CAMKK1: variants seen among roughly 807,000 people sequenced by gnomAD.
The protein encoded by CAMKK1 is calcium/calmodulin-dependent protein kinase kinase 1.
In CAMKK1, 20 loss-of-function variants were observed where a neutral mutation model predicts 63.5. That is an observed-to-expected ratio of 0.32 (90% CI 0.22 to 0.46). The LOEUF is 0.46. Among genes scored for constraint, CAMKK1 ranks in the 20% least tolerant of loss-of-function variants. The pLI, the probability that CAMKK1 is intolerant of heterozygous loss-of-function variation, is 1.00. For synonymous variants in CAMKK1, 253 were observed against 269.0 expected (o/e 0.94, Z 0.58); for missense variants, 588 against 658.1 (o/e 0.89, Z 1.17).
intron 1 of CAMKK1, among the ~76,000 whole-genome samples, chr17:3,888,522 G>A (rs1163568687): frequency 1.3e-5 from 2 of 152,220 alleles, no homozygotes; most frequent in Non-Finnish European, 2.9e-5. Flanking sequence ...TGGGGTTCTA[G>A]CGGGCCTCAC....
At chr17:3,873,239 T>C (rs2054975105) in intron 11 of CAMKK1, among the ~76,000 whole-genome samples, 170 bp downstream of exon 11, 1 of 152,124 alleles carries the variant, frequency 6.6e-6, no homozygotes, top group African/African-American at 2.4e-5. Context: ...CGAGAATCGC[T>C]CCGCAGGGGA....
In CAMKK1 at chr17:3,892,057, G is replaced by C. The variant is rs1367722641; in HGVS notation, c.-44+882C>G. ...GAGGGCAGGGCTTGGGGAGGCCAGC[G>C]CCACTTCCCTGGGATCCTCCAGCGC... On this transcript the variant is annotated intron_variant, in intron 1 of 15. Transcript: ENST00000348335. The surrounding 1 kb of genome is among the most constrained non-coding windows in gnomAD (Gnocchi z 7.5). Among the ~76,000 whole-genome samples the C allele has an allele frequency of 6.6e-6, 1 of 151,900 alleles. No homozygotes were observed. The highest frequency in any genetic ancestry group is 1.5e-5 in the Non-Finnish European group (1 of 67,988).
intron 12 of CAMKK1, among the ~76,000 whole-genome samples, chr17:3,871,326 GTTTT>G (rs1567617810): frequency 1.4e-5 from 1 of 69,080 alleles, no homozygotes; most frequent in African/African-American, 6.8e-5. Flanking sequence ...TTTGTTTGTT[GTTTT>G]TTGTTTTTTT....
intron 9 of CAMKK1, among the ~76,000 whole-genome samples, chr17:3,876,806 G>A (rs542105862): frequency 1.4e-5 from 2 of 146,954 alleles, no homozygotes; most frequent in African/African-American, 5.0e-5. Flanking sequence ...CCCCCAGGCT[G>A]GAGTGCAATG....
In CAMKK1 at chr17:3,871,795, G is replaced by A. The variant is rs796750285; in HGVS notation, c.1124+759C>T. The stretch of plus-strand genomic sequence containing the variant: ...CGAGTAGCTGGGACTACAGATGTGC[G>A]CCACCACGCCTGGCTAATTTTTGTA... On this transcript the variant is annotated intron_variant, in intron 12 of 15. Coordinates refer to ENST00000348335, the MANE Select transcript of CAMKK1 (RefSeq NM_032294.3). Among the ~76,000 whole-genome samples the A allele has an allele frequency of 5.9e-5, 9 of 151,364 alleles. No homozygotes were observed. In the South Asian group the frequency reaches 1.0e-3, roughly 18 times the overall value.
chr17:3,887,360 A>G lies in CAMKK1; in HGVS notation c.-43-1630T>C, dbSNP rs2055697579. ...TGGAGGCGGTGGGGCTGGTGCTGAC[A>G]TGGAGAAAGGAAGAGAGGAGGCTCC... is the stretch of plus-strand genomic sequence containing the variant. On this transcript the variant is annotated intron_variant, in intron 1 of 15. Transcript: ENST00000348335. The surrounding 1 kb of genome is among the most constrained non-coding windows in gnomAD (Gnocchi z 6.1). Among the ~76,000 whole-genome samples the G allele has an allele frequency of 6.6e-6, 1 of 152,096 alleles. No homozygotes were observed. Among genetic ancestry groups the G allele is most frequent in the Non-Finnish European group, 1.5e-5 (1 of 68,014 alleles).
At position 3,887,465 on chromosome 17, in the gene CAMKK1, C is replaced by A. The variant is rs1242541534; in HGVS notation, c.-43-1735G>T. Among the ~76,000 whole-genome samples the A allele has an allele frequency of 6.6e-6, 1 of 152,080 alleles. No individual in the cohort carries two copies. The highest frequency in any genetic ancestry group is 2.4e-5 in the African/African-American group (1 of 41,406). Reference sequence around the variant, plus strand: ...TAATGAGGCTGGAACATCAAGGAGGCCTCCCTGGAGGAGGTGAAGGAGGTG... The same window carrying A: ...TAATGAGGCTGGAACATCAAGGAGGACTCCCTGGAGGAGGTGAAGGAGGTG... On this transcript the variant is annotated intron_variant, in intron 1 of 15. Transcript: ENST00000348335. This position sits in a 1 kb window ranked among gnomAD's most constrained non-coding sequence, Gnocchi z 6.1.
chr17:3,875,854 C>A (rs1334506231), intron 10 of CAMKK1, among the ~76,000 whole-genome samples: 1 of 152,174 alleles, frequency 6.6e-6, no homozygotes, highest in Non-Finnish European at 1.5e-5. Context: ...TGCTCAGATC[C>A]TCCCCATTCT....
At chr17:3,866,279 G>A (rs2054520454) in intron 14 of CAMKK1, among the ~76,000 whole-genome samples, 1 of 152,254 alleles carries the variant, frequency 6.6e-6, no homozygotes, top group Admixed American at 6.5e-5. Context: ...CTGAAAGAGT[G>A]GGGAGGGCCA....
chr17:3,873,493 A>C lies in CAMKK1; in HGVS notation c.997-31T>G, dbSNP rs558465719. On this transcript the variant is annotated intron_variant, in intron 10 of 15. Coordinates refer to ENST00000348335, the MANE Select transcript of CAMKK1 (RefSeq NM_032294.3). ...AAGAAACATGCTCACATCAGTCCCC[A>C]ACAGGCACAGCCACCTCTGCCCACC... 15 of 1,612,620 alleles carry C rather than the reference A, an allele frequency of 9.3e-6. 1 individual carries two copies. In the South Asian group the frequency reaches 1.5e-4, roughly 17 times the overall value.
chr17:3,871,167 G>T (rs1471903013), intron 12 of CAMKK1, among the ~76,000 whole-genome samples: 1 of 152,082 alleles, frequency 6.6e-6, no homozygotes, highest in Non-Finnish European at 1.5e-5. Context: ...CTGGGGAGGG[G>T]CCTGAGGCCT....
At chr17:3,872,660 GT>G (rs761528323) in intron 11 of CAMKK1, 33 bp from the exon 12 acceptor site, 2 of 1,591,052 alleles carry the variant, frequency 1.3e-6, no homozygotes, top group Non-Finnish European at 1.7e-6. Flanking sequence ...AAGGATGTGG[GT>G]CCAGGGCCTC....
chr17:3,873,438 C>T lies in CAMKK1; in HGVS notation c.1021G>A (p.Val341Ile), dbSNP rs200681197. The T allele has an allele frequency of 1.5e-5, 24 of 1,614,146 alleles. No individual in the cohort carries two copies. Among genetic ancestry groups the T allele is most frequent in the Middle Eastern group, 1.6e-4 (1 of 6,062 alleles). ...GKALDVWATG[V>I]TLYCFVYGKC... ...CCATAGACAAAGCAGTACAACGTGA[C>T]GCCAGTGGCCCATACATCCAAGGCC... The change falls in exon 11 of 16, where the codon GTC (valine) becomes ATC (isoleucine). Residue 341 changes from valine to isoleucine, a missense_variant. Transcript: ENST00000348335.
chr17:3,878,797 T>C (rs1371087943), intron 9 of CAMKK1: 1 of 122,914 alleles, frequency 8.1e-6, no homozygotes, highest in Non-Finnish European at 1.6e-5. Flanking sequence ...TGTATGTATA[T>C]ATGTATGTAT....
chr17:3,866,005 C>A lies in CAMKK1; in HGVS notation c.1348G>T (p.Val450Leu), dbSNP rs377707533. The change falls in exon 15 of 16, where the codon GTG (valine) becomes TTG (leucine). Residue 450 changes from valine to leucine, a missense_variant. By Grantham distance (32) the Val-to-Leu change is conservative. Coordinates refer to ENST00000348335, the MANE Select transcript of CAMKK1 (RefSeq NM_032294.3). ...GAACGCTTCCTCAGCATGGACTTCACCAGGATCTGAGGAGGACAAGGCAGC... is the reference window on the plus strand; with the variant it reads ...GAACGCTTCCTCAGCATGGACTTCAACAGGATCTGAGGAGGACAAGGCAGC... ...LIPSWTTVIL[V>L]KSMLRKRSFG... is the part of the protein sequence containing the mutation. 1.5e-5 allele frequency: 24 copies of A among 1,613,916 alleles called. No individual in the cohort carries two copies. In the African/African-American group the frequency reaches 3.2e-4, roughly 22 times the overall value.
Position 3,862,122 on chromosome 17 carries a change from G to T in CAMKK1, c.*89C>A. 2 of 1,096,802 alleles carry T rather than the reference G, an allele frequency of 1.8e-6. No individual in the cohort carries two copies. The highest frequency in any genetic ancestry group is 2.7e-6 in the Non-Finnish European group (2 of 749,030). 67.9% of individuals were successfully genotyped at this position (1,096,802 alleles called of 1,614,324 possible). The stretch of plus-strand genomic sequence containing the variant: ...GTGGGGCTGCAGTCCCCAGCCCCCT[G>T]CCTGCGGGGGCGGCTGTTGCATGAG... On this transcript the variant is annotated 3_prime_UTR_variant, in exon 16 of 16. Coordinates refer to ENST00000348335, the MANE Select transcript of CAMKK1 (RefSeq NM_032294.3). The surrounding 1 kb of genome is among the most constrained non-coding windows in gnomAD (Gnocchi z 4.1).
Position 3,868,069 on chromosome 17 carries a change from G to A in CAMKK1, c.1341+1418C>T, listed in dbSNP as rs62070444. 1.2e-3 allele frequency among the ~76,000 whole-genome samples: 85 copies of A among 72,380 alleles called. 2 individuals are homozygous for A. The highest frequency in any genetic ancestry group is 1.9e-3 in the East Asian group (4 of 2,108). 47.5% of individuals were successfully genotyped at this position (72,380 alleles called of 152,430 possible). A position where few individuals can be genotyped will look rare whatever the true frequency, so the allele number is the denominator to read the frequency against. ...CACAGGATCTGGGGGAGAAGCAGGC[G>A]CAGTCTAACTGATACGTGGGCTCTG... On this transcript the variant is annotated intron_variant, in intron 14 of 15. Coordinates refer to ENST00000348335, the MANE Select transcript of CAMKK1 (RefSeq NM_032294.3).
chr17:3,869,032 G>T (rs7220563), intron 14 of CAMKK1, among the ~76,000 whole-genome samples: 1 of 148,576 alleles, frequency 6.7e-6, no homozygotes, highest in African/African-American at 2.5e-5. Context: ...GCAGTGGCGC[G>T]ATCTCGGCTC....
rs2055517363 is a variant in CAMKK1, at chr17:3,883,710, T to C, written c.462+174A>G. Among the ~76,000 whole-genome samples, 2 of 151,908 alleles carry C rather than the reference T, an allele frequency of 1.3e-5. No homozygotes were observed. The highest frequency in any genetic ancestry group is 4.8e-5 in the African/African-American group (2 of 41,324). Reference sequence around the variant, plus strand: ...GAGCTTTCCCCTCAGAGGAATCCAGTCTCTGCTTGCATATCCCCAGGGTTA... The same window carrying C: ...GAGCTTTCCCCTCAGAGGAATCCAGCCTCTGCTTGCATATCCCCAGGGTTA... On this transcript the variant is annotated intron_variant, in intron 4 of 15. Coordinates refer to ENST00000348335, the MANE Select transcript of CAMKK1 (RefSeq NM_032294.3). This position sits in a 1 kb window ranked among gnomAD's most constrained non-coding sequence, Gnocchi z 4.7.
Sources: gnomAD v4.1 joint callset for allele counts (sites outside exome capture counted in the v4.1 genomes callset) on GRCh38, gnomAD v4.1.1 for gene constraint, Gnocchi (gnomAD v3.1) non-coding constraint, MANE v1.5 for transcripts, NCBI Gene and HGNC (gene_info 2026-07-23, HGNC 2026-07-21) for gene names.